TNFAIP8: variants seen among roughly 807,000 people sequenced by gnomAD.
TNFAIP8 encodes the protein TNF alpha induced protein 8, also known as tumor necrosis factor alpha-induced protein 8.
In TNFAIP8, 7 loss-of-function variants were observed where a neutral mutation model predicts 13.3. That is an observed-to-expected ratio of 0.52 (90% CI 0.30 to 0.99). The LOEUF (loss-of-function observed/expected upper bound fraction) is 0.99. TNFAIP8 is among the 50% of genes least tolerant of loss of function. The pLI is 0.07. For missense variants in TNFAIP8, 258 were observed against 236.9 expected (o/e 1.09, Z -0.58); for synonymous variants, 94 against 87.6 (o/e 1.07, Z -0.41).
At chr5:119,341,109 T>C (rs1368021294) in intron 1 of TNFAIP8, among the ~76,000 whole-genome samples, 1 of 150,330 alleles carries the variant, frequency 6.7e-6, no homozygotes, top group Non-Finnish European at 1.5e-5. Flanking sequence ...TTTTTTTAAA[T>C]CTGATTACAA....
At chr5:119,272,795 G>T (rs1002755172) in intron 1 of TNFAIP8, among the ~76,000 whole-genome samples, 3 of 152,172 alleles carry the variant, frequency 2.0e-5, no homozygotes, top group Non-Finnish European at 4.4e-5. Context: ...GTGCCAAAAA[G>T]GTTGTTTTCC....
At chr5:119,277,560 C>G (rs1748495923) in intron 1 of TNFAIP8, among the ~76,000 whole-genome samples, 1 of 152,104 alleles carries the variant, frequency 6.6e-6, no homozygotes, top group Non-Finnish European at 1.5e-5. Context: ...GGATTGGGGA[C>G]CACCTTAAGA....
intron 1 of TNFAIP8, among the ~76,000 whole-genome samples, chr5:119,327,864 T>G (rs189443327): frequency 3.3e-5 from 5 of 152,318 alleles, no homozygotes; most frequent in African/African-American, 1.2e-4. Context: ...TATTTCAAGG[T>G]CATATAGTAA....
chr5:119,291,185 C>T (rs543098973), intron 1 of TNFAIP8, among the ~76,000 whole-genome samples: 49 of 152,318 alleles, frequency 3.2e-4, no homozygotes, highest in African/African-American at 1.0e-3. Context: ...TTTAACTTTT[C>T]GTGTATTTAT....
intron 1 of TNFAIP8, among the ~76,000 whole-genome samples, chr5:119,361,865 T>G (rs1429325526): frequency 6.6e-6 from 1 of 152,168 alleles, no homozygotes; most frequent in Non-Finnish European, 1.5e-5. Flanking sequence ...GCTTCCAGGG[T>G]GCAGCCCCTC....
rs529881847 is a variant in TNFAIP8, at chr5:119,357,508, G to A, written c.31+1387G>A. Among the ~76,000 whole-genome samples, 63 of 152,278 alleles carry A rather than the reference G, an allele frequency of 4.1e-4. 1 individual carries two copies. The highest frequency in any genetic ancestry group is 1.5e-3 in the African/African-American group (62 of 41,560). Reference sequence around the variant, plus strand: ...CACTTAAGCTGGCGTTTTCTCTCAGGTGTGTTTTCCCTGTCTTTTGAGAAA... The same window carrying A: ...CACTTAAGCTGGCGTTTTCTCTCAGATGTGTTTTCCCTGTCTTTTGAGAAA... On this transcript the variant is annotated intron_variant, in intron 1 of 1. Coordinates refer to ENST00000504771, the MANE Select transcript of TNFAIP8 (RefSeq NM_014350.4).
chr5:119,292,647 T>TGC (rs1205525825), intron 1 of TNFAIP8, among the ~76,000 whole-genome samples: 1 of 18,708 alleles, frequency 5.3e-5, no homozygotes, highest in Non-Finnish European at 1.0e-4. Flanking sequence ...CAATGTAGCA[T>TGC]ATATATATAT....
intron 1 of TNFAIP8, among the ~76,000 whole-genome samples, chr5:119,326,708 C>A (rs1322683452): frequency 6.6e-6 from 1 of 151,922 alleles, no homozygotes; most frequent in African/African-American, 2.4e-5. Flanking sequence ...GAAGTTCAGG[C>A]CAGAGGATGA....
At chr5:119,333,269 C>T (rs1156358865) in intron 1 of TNFAIP8, 1 of 1,077,752 alleles carries the variant, frequency 9.3e-7, no homozygotes, top group African/African-American at 1.7e-5. Flanking sequence ...GCAACCAGTC[C>T]ATCCCTGTTG....
At chr5:119,292,125 G>A (rs1749006815) in intron 1 of TNFAIP8, among the ~76,000 whole-genome samples, 1 of 152,198 alleles carries the variant, frequency 6.6e-6, no homozygotes, top group African/African-American at 2.4e-5. Flanking sequence ...AGGTGAAGCA[G>A]AGGCTTTAGG....
intron 1 of TNFAIP8, among the ~76,000 whole-genome samples, chr5:119,369,739 G>T (rs115632991): frequency 0.017 from 2,635 of 152,238 alleles, 75 homozygotes; most frequent in African/African-American, 0.06. Context: ...ATAATGTATT[G>T]TGCATATGGG....
intron 1 of TNFAIP8, among the ~76,000 whole-genome samples, chr5:119,375,878 T>C (rs1235008313): frequency 6.6e-6 from 1 of 152,144 alleles, no homozygotes; most frequent in Non-Finnish European, 1.5e-5. Context: ...GCCTTTTTCT[T>C]ATGACTTAAA....
chr5:119,370,934 G>A (rs988164734), intron 1 of TNFAIP8, among the ~76,000 whole-genome samples: 8 of 152,182 alleles, frequency 5.3e-5, no homozygotes, highest in African/African-American at 1.9e-4. Flanking sequence ...CAAGGATTCT[G>A]TAGCTTGCTT....
chr5:119,345,341 T>C (rs1415120560), intron 1 of TNFAIP8, among the ~76,000 whole-genome samples: 1 of 152,040 alleles, frequency 6.6e-6, no homozygotes, highest in East Asian at 1.9e-4. Flanking sequence ...AAATGAAAAA[T>C]AGAATTACCA....
At chr5:119,284,073 A>G (rs1561982088) in intron 1 of TNFAIP8, among the ~76,000 whole-genome samples, 1 of 152,184 alleles carries the variant, frequency 6.6e-6, no homozygotes, top group Non-Finnish European at 1.5e-5. Context: ...ATCTCTCTGT[A>G]CATTGCCACA....
At chr5:119,283,357 G>T (rs750429006) in intron 1 of TNFAIP8, among the ~76,000 whole-genome samples, 2 of 152,176 alleles carry the variant, frequency 1.3e-5, no homozygotes, top group South Asian at 2.1e-4. Flanking sequence ...GATAGGCTAG[G>T]CATAGTGGCC....
intron 1 of TNFAIP8, among the ~76,000 whole-genome samples, chr5:119,366,940 G>C (rs781777058): frequency 6.6e-6 from 1 of 152,150 alleles, no homozygotes; most frequent in Non-Finnish European, 1.5e-5. Flanking sequence ...AATGGGGAGG[G>C]ACATGAGGGA....
rs1034323307 is a variant in TNFAIP8 at position 119,390,387 on chromosome 5, A to G, written c.32-2429A>G. The stretch of plus-strand genomic sequence containing the variant: ...TGGTTTTAATGTGATACTGTTAGCT[A>G]CATGGATGCCATTTCTTTTGACATA... On this transcript the variant is annotated intron_variant, in intron 1 of 1. Coordinates refer to ENST00000504771, the MANE Select transcript of TNFAIP8 (RefSeq NM_014350.4). Among the ~76,000 whole-genome samples, 15 of 152,328 alleles carry G rather than the reference A, an allele frequency of 9.8e-5. No individual in the cohort carries two copies. The East Asian group carries it at 2.7e-3, about 27-fold the overall frequency.
intron 1 of TNFAIP8, chr5:119,306,215 C>T (rs1287081282): frequency 6.6e-6 from 1 of 152,154 alleles, no homozygotes; most frequent in Non-Finnish European, 1.5e-5. Flanking sequence ...GAGCTAGGTG[C>T]TTAGGATCTC....
Sources: gnomAD v4.1 joint callset for allele counts (sites outside exome capture counted in the v4.1 genomes callset) on GRCh38, gnomAD v4.1.1 for gene constraint, MANE v1.5 for transcripts, NCBI Gene and HGNC (gene_info 2026-07-23, HGNC 2026-07-21) for gene names.